Variants in GALNT11 observed in about 807,000 individuals in gnomAD.
GALNT11 encodes UDP-GalNAc:polypeptide N-acetylgalactosaminyltransferase 11.
A neutral mutation model predicts 72.7 loss-of-function variants in GALNT11; 47 were observed. The ratio of observed to expected loss-of-function variants is 0.65; its 90% CI spans 0.51 to 0.82. GALNT11 has a LOEUF of 0.82. Ranked by LOEUF, GALNT11 falls within the 40% of genes least tolerant of loss-of-function variation. The pLI is 0.00. For synonymous variants in GALNT11, 270 were observed against 286.6 expected (o/e 0.94, Z 0.58); for missense variants, 677 against 778.4 (o/e 0.87, Z 1.55).
rs141227645 is a variant in GALNT11 at position 152,083,092 on chromosome 7, G to A, written c.-38-11098G>A. Among the ~76,000 whole-genome samples, 162 of 152,252 alleles carry A rather than the reference G, an allele frequency of 1.1e-3. 3 individuals are homozygous for A. The East Asian group carries it at 0.028, about 27-fold the overall frequency. ...ACTGAGATATTACTCTTTTGTCTGTGATACCAATTGTGAGTATTTTTTCTA... is the reference window on the plus strand; with the variant it reads ...ACTGAGATATTACTCTTTTGTCTGTAATACCAATTGTGAGTATTTTTTCTA... On this transcript the variant is annotated intron_variant, in intron 1 of 11. Coordinates refer to ENST00000430044, the MANE Select transcript of GALNT11 (RefSeq NM_022087.4).
At chr7:152,084,404 A>G (rs1379323358) in intron 1 of GALNT11, among the ~76,000 whole-genome samples, 1 of 148,390 alleles carries the variant, frequency 6.7e-6, no homozygotes, top group African/African-American at 2.6e-5. Flanking sequence ...AAAAAAAAAA[A>G]CTTTTACATT....
In GALNT11 at chr7:152,117,391, T is replaced by A; in HGVS notation, c.1452+16T>A. On this transcript the variant is annotated intron_variant, in intron 9 of 11. Transcript: ENST00000430044. ...ACGTGGAAGGGTAAGAAAGCTGTTT[T>A]TTCCAAGTGGCTTATGAAAAGCGTT... 1.2e-6 allele frequency: 2 copies of A among 1,612,882 alleles called. No individual in the cohort carries two copies. The highest frequency in any genetic ancestry group is 4.5e-5 in the East Asian group (2 of 44,896).
At chr7:152,031,609 C>G (rs999491489) in intron 1 of GALNT11, among the ~76,000 whole-genome samples, 2 of 152,178 alleles carry the variant, frequency 1.3e-5, no homozygotes, top group African/African-American at 4.8e-5. Context: ...TGAGGCCAGC[C>G]TTTTGCTACT....
intron 4 of GALNT11, chr7:152,103,760 G>C (rs1266937865): frequency 6.5e-6 from 1 of 153,972 alleles, no homozygotes; most frequent in Non-Finnish European, 1.4e-5. Context: ...CACACCTCCT[G>C]CTTTCCTCTA....
chr7:152,047,520 A>AC, intron 1 of GALNT11, among the ~76,000 whole-genome samples: 1 of 151,970 alleles, frequency 6.6e-6, no homozygotes, highest in Non-Finnish European at 1.5e-5. Flanking sequence ...ACATGGTGAA[A>AC]CCCCATCTCT....
chr7:152,028,678 TC>T (rs907615892), intron 1 of GALNT11, among the ~76,000 whole-genome samples: 12 of 150,366 alleles, frequency 8.0e-5, no homozygotes, highest in East Asian at 3.9e-4. Context: ...CACCTCTCAA[TC>T]CCCCCCCTCT....
At chr7:152,053,945 A>G (rs2083523106) in intron 1 of GALNT11, among the ~76,000 whole-genome samples, 1 of 152,050 alleles carries the variant, frequency 6.6e-6, no homozygotes, top group Admixed American at 6.5e-5. Context: ...TTTTTGTTAG[A>G]AAATAGTATC....
At chr7:152,118,882 T>C (rs2089150798) in intron 10 of GALNT11, 100 bp downstream of exon 10, 1 of 883,574 alleles carries the variant, frequency 1.1e-6, no homozygotes, top group Non-Finnish European at 1.7e-6. Flanking sequence ...TGTCTACTAT[T>C]CTGGCTTTTC....
intron 10 of GALNT11, chr7:152,120,220 ACT>A (rs1016977155): frequency 6.6e-6 from 1 of 152,304 alleles, no homozygotes; most frequent in African/African-American, 2.4e-5. Flanking sequence ...GCTCCCTATG[ACT>A]CTGATTCAGG....
At position 152,118,949 on chromosome 7, in the gene GALNT11, C is replaced by T; in HGVS notation, c.1557+167C>T. ...GGAACGCTAAGCTTATGGGGGTTAT[C>T]TATATCCTAGTGCTCAAGGTCACCG... On this transcript the variant is annotated intron_variant, in intron 10 of 11. Coordinates refer to ENST00000430044, the MANE Select transcript of GALNT11 (RefSeq NM_022087.4). The T allele has an allele frequency of 6.0e-6, 3 of 498,148 alleles. No homozygotes were observed. In the South Asian group the frequency reaches 1.1e-4, roughly 18 times the overall value. The allele number at this position is 498,148 out of a possible 1,614,324, so 30.9% of individuals were successfully genotyped here.
At chr7:152,079,010 A>T (rs1409819656) in intron 1 of GALNT11, among the ~76,000 whole-genome samples, 1 of 152,238 alleles carries the variant, frequency 6.6e-6, no homozygotes, top group East Asian at 1.9e-4. Flanking sequence ...GACTGGGAAG[A>T]ATGACTCTCA....
At chr7:152,121,090 T>TC in intron 11 of GALNT11, 122 bp downstream of exon 11, 1 of 1,197,864 alleles carries the variant, frequency 8.3e-7, no homozygotes, top group Non-Finnish European at 1.1e-6. Context: ...AGTACAGTGG[T>TC]CCCCCCAGAA....
intron 10 of GALNT11, 102 bp downstream of exon 10, chr7:152,118,884 T>C (rs2129076559): frequency 1.1e-6 from 1 of 874,902 alleles, no homozygotes; most frequent in African/African-American, 1.7e-5. Flanking sequence ...TCTACTATTC[T>C]GGCTTTTCTT....
chr7:152,120,586 C>A, intron 10 of GALNT11: 1 of 427,224 alleles, frequency 2.3e-6, no homozygotes, highest in East Asian at 4.9e-5. Context: ...AGAGTTAATT[C>A]AGTCAAATTC....
intron 1 of GALNT11, among the ~76,000 whole-genome samples, chr7:152,026,208 A>G (rs1205280865): frequency 6.6e-6 from 1 of 152,226 alleles, no homozygotes. Flanking sequence ...AATGAAGTCC[A>G]GATCAGTATT....
chr7:152,110,895 A>AT (rs2088112984), intron 7 of GALNT11, among the ~76,000 whole-genome samples: 1 of 151,158 alleles, frequency 6.6e-6, no homozygotes, highest in African/African-American at 2.4e-5. Context: ...TAATTTTTCT[A>AT]TTTTTTGTAG....
chr7:152,100,749 CATG>C (rs555262229), intron 2 of GALNT11, 46 bp from the exon 3 acceptor site: 24 of 1,599,328 alleles, frequency 1.5e-5, no homozygotes, highest in South Asian at 6.6e-5. Context: ...TTAACAGTAA[CATG>C]ATACTTTCTA....
chr7:152,029,254 A>G (rs2082191895), intron 1 of GALNT11, among the ~76,000 whole-genome samples: 1 of 152,170 alleles, frequency 6.6e-6, no homozygotes, highest in African/African-American at 2.4e-5. Context: ...TACTATCCTT[A>G]CTGGATAGAT....
At chr7:152,033,960 G>A (rs960129115) in intron 1 of GALNT11, among the ~76,000 whole-genome samples, 10 of 152,172 alleles carry the variant, frequency 6.6e-5, no homozygotes, top group Non-Finnish European at 1.2e-4. Context: ...AAGTGACATC[G>A]AAGGTTTGCC....
Sources: gnomAD v4.1 joint callset for allele counts (sites outside exome capture counted in the v4.1 genomes callset) on GRCh38, gnomAD v4.1.1 for gene constraint, MANE v1.5 for transcripts, NCBI Gene and HGNC (gene_info 2026-07-23, HGNC 2026-07-21) for gene names.